POGLUT1: variants seen among roughly 807,000 people sequenced by gnomAD.
POGLUT1 encodes the protein 9630046K23Rik.
POGLUT1 carries 32 observed loss-of-function variants against 61.3 expected under a neutral mutation model. The ratio of observed to expected loss-of-function variants is 0.52; its 90% CI spans 0.39 to 0.70. POGLUT1 has a LOEUF of 0.70. Among genes scored for constraint, POGLUT1 ranks in the 30% least tolerant of loss-of-function variants. The pLI is 0.00. For missense variants in POGLUT1, 411 were observed against 469.8 expected (o/e 0.87, Z 1.16); for synonymous variants, 158 against 158.2 (o/e 1.00, Z 0.01).
At chr3:119,479,706 T>C (rs1330723665) in intron 4 of POGLUT1, among the ~76,000 whole-genome samples, 1 of 152,198 alleles carries the variant, frequency 6.6e-6, no homozygotes, top group Non-Finnish European at 1.5e-5. Context: ...AATGTAATAG[T>C]TAAACAATGA....
rs2081765646 is a variant in POGLUT1 at position 119,492,677 on chromosome 3, G to A, written c.*239G>A. The A allele has an allele frequency of 4.0e-6, 1 of 247,162 alleles. No individual in the cohort carries two copies. 15.3% of individuals were successfully genotyped at this position (247,162 alleles called of 1,614,324 possible). ...ATAAGGACCAGAAATCGTGAGATGT[G>A]GATTTTGAACCCAACTCTACCTTTC... On this transcript the variant is annotated 3_prime_UTR_variant, in exon 11 of 11. Transcript: ENST00000295588.
chr3:119,480,298 G>A, intron 5 of POGLUT1, 126 bp downstream of exon 5: 1 of 648,720 alleles, frequency 1.5e-6, no homozygotes, highest in South Asian at 2.5e-5. Flanking sequence ...GCCCAGGCTA[G>A]AGTGCAATGG....
At chr3:119,470,441 T>C (rs913998642) in intron 2 of POGLUT1, among the ~76,000 whole-genome samples, 1 of 152,146 alleles carries the variant, frequency 6.6e-6, no homozygotes, top group African/African-American at 2.4e-5. Flanking sequence ...CTGGGCATGA[T>C]GGCACGTGCC....
intron 3 of POGLUT1, among the ~76,000 whole-genome samples, chr3:119,472,698 A>G (rs1490463392): frequency 6.7e-6 from 1 of 149,958 alleles, no homozygotes; most frequent in East Asian, 2.0e-4. Flanking sequence ...GCTGGGAAAC[A>G]AGAGCGAAAC....
chr3:119,486,764 C>G lies in POGLUT1; in HGVS notation c.639-69C>G, dbSNP rs977631777. 6.7e-6 allele frequency: 7 copies of G among 1,044,356 alleles called. No homozygotes were observed. In the South Asian group the frequency reaches 8.8e-5, roughly 13 times the overall value. The allele number at this position is 1,044,356 out of a possible 1,614,324, so 64.7% of individuals were successfully genotyped here. A position where few individuals can be genotyped will look rare whatever the true frequency, so the allele number is the denominator to read the frequency against. ...TTGCATTGGGTCCTAGTCCTGCTCA[C>G]CTTTCAGGGATTGGGAACAGTTTTC... is the stretch of plus-strand genomic sequence containing the variant. On this transcript the variant is annotated intron_variant, in intron 6 of 10. Coordinates refer to ENST00000295588, the MANE Select transcript of POGLUT1 (RefSeq NM_152305.3).
chr3:119,480,185 A>G lies in POGLUT1; in HGVS notation c.578+13A>G, dbSNP rs2081589767. 6.5e-7 allele frequency: 1 copy of G among 1,535,870 alleles called. No homozygotes were observed. The highest frequency in any genetic ancestry group is 8.8e-7 in the Non-Finnish European group (1 of 1,142,236). On this transcript the variant is annotated intron_variant, in intron 5 of 10. Coordinates refer to ENST00000295588, the MANE Select transcript of POGLUT1 (RefSeq NM_152305.3). The stretch of plus-strand genomic sequence containing the variant: ...AAGATCTGGTAAGGTAGGTCCTTTA[A>G]AGAGGTTTTATTTTTTCTCTTTCTG...
intron 3 of POGLUT1, chr3:119,471,700 C>G: frequency 2.2e-6 from 1 of 461,078 alleles, no homozygotes; most frequent in Non-Finnish European, 4.0e-6. Context: ...CTCTTCTGCT[C>G]CTTCCCTGGG....
At chr3:119,476,993 A>G (rs2081544903) in intron 3 of POGLUT1, among the ~76,000 whole-genome samples, 1 of 152,236 alleles carries the variant, frequency 6.6e-6, no homozygotes, top group South Asian at 2.1e-4. Context: ...TATTCCATAT[A>G]AGGGAAATAA....
At chr3:119,492,202 C>T (rs1378765172) in intron 10 of POGLUT1, 80 bp from the exon 11 acceptor site, 9 of 1,012,390 alleles carry the variant, frequency 8.9e-6, no homozygotes, top group Admixed American at 2.5e-5. Context: ...ATGCTTGGCA[C>T]AAGGTGAGCA....
intron 1 of POGLUT1, 146 bp downstream of exon 1, chr3:119,469,252 G>T (rs1488005223): frequency 1.5e-6 from 1 of 667,180 alleles, no homozygotes. Context: ...GCGCCTTGCG[G>T]CGGAGAGTGA....
intron 5 of POGLUT1, among the ~76,000 whole-genome samples, chr3:119,484,998 C>T (rs554459729): frequency 2.6e-5 from 4 of 152,090 alleles, no homozygotes; most frequent in Non-Finnish European, 5.9e-5. Flanking sequence ...AGGCGGATCA[C>T]GAAGTCAGGA....
At chr3:119,471,276 C>T (rs1186711473) in intron 2 of POGLUT1, 33 bp from the exon 3 acceptor site, 2 of 1,610,858 alleles carry the variant, frequency 1.2e-6, no homozygotes, top group African/African-American at 2.7e-5. Context: ...CTCTCTTGGC[C>T]TGCTTTCCTT....
At chr3:119,471,484 A>C (rs761984772) in intron 3 of POGLUT1, 32 bp downstream of exon 3, 2 of 1,601,562 alleles carry the variant, frequency 1.2e-6, no homozygotes, top group Non-Finnish European at 1.7e-6. Context: ...ATATCTTCTG[A>C]CTTTATTACA....
chr3:119,469,123 G>A lies in POGLUT1; in HGVS notation c.85+17G>A, dbSNP rs2081434127. The A allele has an allele frequency of 3.2e-6, 5 of 1,570,842 alleles. 1 individual carries two copies. In the East Asian group the frequency reaches 1.2e-4, roughly 36 times the overall value. On this transcript the variant is annotated intron_variant, in intron 1 of 10. Coordinates refer to ENST00000295588, the MANE Select transcript of POGLUT1 (RefSeq NM_152305.3). ...AGGAGTCAGGTGGGCTCCGGGCAGT[G>A]CCGAGCCTGCCCCTTGGGCTCGGGG...
chr3:119,469,966 T>C lies in POGLUT1; in HGVS notation c.176+56T>C, dbSNP rs1015762513. On this transcript the variant is annotated intron_variant, in intron 2 of 10. Coordinates refer to ENST00000295588, the MANE Select transcript of POGLUT1 (RefSeq NM_152305.3). ...AGTTTAGTTGCTGTCACAGGAAGTA[T>C]TCTAACATCCTTGAGAGATTTTGGT... The C allele has an allele frequency of 9.9e-6, 10 of 1,008,590 alleles. No individual in the cohort carries two copies. In the South Asian group the frequency reaches 1.3e-4, roughly 13 times the overall value. 62.5% of individuals were successfully genotyped at this position (1,008,590 alleles called of 1,614,324 possible).
Position 119,492,290 on chromosome 3 carries a change from A to T in POGLUT1, c.1031A>T (p.Gln344Leu), listed in dbSNP as rs759278927. The change falls in exon 11 of 11, where the codon CAG becomes CTG. Residue 344 changes from glutamine to leucine, a missense_variant. By Grantham distance (113) the Gln-to-Leu change is moderately radical (BLOSUM62 -2). Coordinates refer to ENST00000295588, the MANE Select transcript of POGLUT1 (RefSeq NM_152305.3). ...VAQEIAERGS[Q>L]FIRNHLQMDD... The stretch of plus-strand genomic sequence containing the variant: ...TTAAATCTTGTCTCTAGGGGAAGCC[A>T]GTTTATTAGGAACCATTTGCAGATG... 1.3e-6 allele frequency: 2 copies of T among 1,599,016 alleles called. No individual in the cohort carries two copies. The highest frequency in any genetic ancestry group is 2.3e-5 in the South Asian group (2 of 88,526).
chr3:119,481,771 G>C (rs6764495), intron 5 of POGLUT1, among the ~76,000 whole-genome samples: 18,067 of 152,122 alleles, frequency 0.12, 2,718 homozygotes, highest in African/African-American at 0.35. Flanking sequence ...GCAAATCTAG[G>C]CCTAAAGACC....
At chr3:119,474,520 T>G (rs1216759618) in intron 3 of POGLUT1, among the ~76,000 whole-genome samples, 1 of 152,174 alleles carries the variant, frequency 6.6e-6, no homozygotes, top group Non-Finnish European at 1.5e-5. Context: ...ATAAATGGAA[T>G]CATATAAGAG....
At chr3:119,473,754 G>A (rs1026101869) in intron 3 of POGLUT1, among the ~76,000 whole-genome samples, 2 of 150,146 alleles carry the variant, frequency 1.3e-5, no homozygotes, top group Non-Finnish European at 3.0e-5. Flanking sequence ...TCTGCCTCCC[G>A]GGTTCAAGCC....
Sources: allele counts gnomAD v4.1 joint callset (sites outside exome capture counted in the v4.1 genomes callset), GRCh38; gene constraint gnomAD v4.1.1; transcripts MANE v1.5; gene names NCBI Gene and HGNC (gene_info 2026-07-23, HGNC 2026-07-21).